The following KIAA0513 variants were observed in gnomAD, a reference collection of about 807,000 sequenced individuals.
The protein encoded by KIAA0513 is uncharacterized protein KIAA0513.
Under a neutral mutation model 56.5 loss-of-function variants are expected in KIAA0513, and 39 were observed. The observed-to-expected ratio is 0.69, with a 90% CI of 0.53 to 0.90. The LOEUF (loss-of-function observed/expected upper bound fraction) is 0.90. Ranked by LOEUF, KIAA0513 falls within the 40% of genes least tolerant of loss-of-function variation. The pLI, the probability that KIAA0513 is intolerant of heterozygous loss-of-function variation, is 0.00. For synonymous variants in KIAA0513, 268 were observed against 215.6 expected (o/e 1.24, Z -2.13); for missense variants, 591 against 535.2 (o/e 1.10, Z -1.03).
intron 1 of KIAA0513, among the ~76,000 whole-genome samples, chr16:85,052,042 C>T (rs2073259874): frequency 6.6e-6 from 1 of 152,030 alleles, no homozygotes; most frequent in African/African-American, 2.4e-5. Context: ...GACGCATTGG[C>T]CAGGCGCAGT....
rs767138324 is a variant in KIAA0513, at chr16:85,088,461, G to C, written c.*136G>C. 9 of 682,718 alleles carry C rather than the reference G, an allele frequency of 1.3e-5. No homozygotes were observed. Among genetic ancestry groups the C allele is most frequent in the Non-Finnish European group, 2.0e-5 (8 of 391,808 alleles). The allele number at this position is 682,718 out of a possible 1,614,324, so 42.3% of individuals were successfully genotyped here. ...AGCCACTCCTGCTGCCCTAGAACTA[G>C]CGGTTAGAAGAATCCGCTGTTCCTC... On this transcript the variant is annotated 3_prime_UTR_variant, in exon 13 of 13. Transcript: ENST00000683363.
In KIAA0513 at chr16:85,086,501, T is replaced by C. The variant is rs749057523; in HGVS notation, c.1011-143T>C. ...CCTTGTGGAAGGCCCAGCACACGGC[T>C]CTCCGGTGGAAGGCACCCCCTTCTG... On this transcript the variant is annotated intron_variant, in intron 10 of 12. Coordinates refer to ENST00000683363, the MANE Select transcript of KIAA0513 (RefSeq NM_001388359.1). 1.6e-5 allele frequency: 12 copies of C among 760,094 alleles called. No individual in the cohort carries two copies. The Middle Eastern group carries it at 9.8e-4, about 62-fold the overall frequency. 47.1% of individuals were successfully genotyped at this position (760,094 alleles called of 1,614,324 possible).
At chr16:85,031,710 C>G (rs1022953866) in intron 1 of KIAA0513, among the ~76,000 whole-genome samples, 5 of 152,216 alleles carry the variant, frequency 3.3e-5, no homozygotes, top group Non-Finnish European at 5.9e-5. Context: ...CTCCCCTTTC[C>G]ATGGCCAGCT....
At position 85,081,826 on chromosome 16, in the gene KIAA0513, C is replaced by T. The variant is rs2073748503; in HGVS notation, c.980+434C>T. 6.6e-6 allele frequency among the ~76,000 whole-genome samples: 1 copy of T among 152,202 alleles called. No individual in the cohort carries two copies. Among genetic ancestry groups the T allele is most frequent in the Admixed American group, 6.5e-5 (1 of 15,280 alleles). Reference sequence around the variant, plus strand: ...GAATGCAGTTGCCGCTCGCAACTCACCTCTTGGGTCTGCAGCCTGAGCAGA... The same window carrying T: ...GAATGCAGTTGCCGCTCGCAACTCATCTCTTGGGTCTGCAGCCTGAGCAGA... On this transcript the variant is annotated intron_variant, in intron 9 of 12. Transcript: ENST00000683363. The surrounding 1 kb of genome is among the most constrained non-coding windows in gnomAD (Gnocchi z 4.4).
chr16:85,061,221 G>A (rs1157552362), intron 1 of KIAA0513, among the ~76,000 whole-genome samples: 2 of 151,950 alleles, frequency 1.3e-5, no homozygotes, highest in Non-Finnish European at 2.9e-5. Context: ...GCTGCAGACA[G>A]ACTTTTGGCA....
intron 1 of KIAA0513, among the ~76,000 whole-genome samples, chr16:85,064,666 G>A (rs553594235): frequency 3.3e-5 from 5 of 152,274 alleles, no homozygotes; most frequent in African/African-American, 1.2e-4. Flanking sequence ...TTGAAGAATT[G>A]TCTACGCCTT....
chr16:85,071,191 C>T (rs572785250), intron 2 of KIAA0513, among the ~76,000 whole-genome samples: 2 of 152,142 alleles, frequency 1.3e-5, no homozygotes, highest in African/African-American at 4.8e-5. Flanking sequence ...TGGAGGTCCC[C>T]GGTCTCCATC....
At chr16:85,062,884 C>T (rs870148) in intron 1 of KIAA0513, among the ~76,000 whole-genome samples, 3 of 152,118 alleles carry the variant, frequency 2.0e-5, no homozygotes, top group Admixed American at 1.3e-4. Flanking sequence ...CCTTGTCCTG[C>T]CTAGAGGCCC....
chr16:85,040,986 A>G (rs140620809), intron 1 of KIAA0513, among the ~76,000 whole-genome samples: 6 of 152,332 alleles, frequency 3.9e-5, no homozygotes, highest in Non-Finnish European at 2.9e-5. Context: ...TCAAAAATGC[A>G]TTTGCATATT....
Position 85,071,883 on chromosome 16 carries a change from G to T in KIAA0513, c.429+1G>T. The T allele has an allele frequency of 1.3e-6, 2 of 1,590,538 alleles. No individual in the cohort carries two copies. The highest frequency in any genetic ancestry group is 1.7e-6 in the Non-Finnish European group (2 of 1,158,782). On this transcript the variant is annotated splice_donor_variant, in intron 3 of 12. Coordinates refer to ENST00000683363, the MANE Select transcript of KIAA0513 (RefSeq NM_001388359.1). LOFTEE classifies it high-confidence loss of function. ...GTTTGCTCGATACGTGAGTGCCCAGGTAAGGGCGAGGTGATGGGAAGGATG... is the reference window on the plus strand; with the variant it reads ...GTTTGCTCGATACGTGAGTGCCCAGTTAAGGGCGAGGTGATGGGAAGGATG...
At chr16:85,061,393 G>C (rs984994214) in intron 1 of KIAA0513, among the ~76,000 whole-genome samples, 6 of 152,160 alleles carry the variant, frequency 3.9e-5, no homozygotes, top group African/African-American at 1.2e-4. Context: ...ACCTGTGTGC[G>C]GGTTCCTTGC....
In KIAA0513 at chr16:85,087,061, T is replaced by C. The variant is rs201797455; in HGVS notation, c.1092-11T>C. ...GGCCAGCGGGTGACGCTCTTGGGGT[T>C]TCTCCTGCAGCACATTCACGCACAA... On this transcript the variant is annotated splice_polypyrimidine_tract_variant and intron_variant, in intron 11 of 12. Transcript: ENST00000683363. 3.1e-6 allele frequency: 5 copies of C among 1,613,860 alleles called. No individual in the cohort carries two copies. Among genetic ancestry groups the C allele is most frequent in the Non-Finnish European group, 4.2e-6 (5 of 1,179,744 alleles).
chr16:85,061,271 G>T (rs192480071), intron 1 of KIAA0513, among the ~76,000 whole-genome samples: 11 of 152,200 alleles, frequency 7.2e-5, no homozygotes, highest in East Asian at 1.9e-4. Flanking sequence ...TTAATAATGC[G>T]CACACCCTTT....
At chr16:85,053,738 AT>A (rs2073287592) in intron 1 of KIAA0513, among the ~76,000 whole-genome samples, 1 of 152,132 alleles carries the variant, frequency 6.6e-6, no homozygotes, top group Non-Finnish European at 1.5e-5. Flanking sequence ...CACGCCTATA[AT>A]CCCAGCACTT....
intron 6 of KIAA0513, 110 bp downstream of exon 6, chr16:85,077,742 G>A: frequency 1.3e-6 from 1 of 785,070 alleles, no homozygotes; most frequent in South Asian, 1.8e-5. Context: ...GAGACTGTCA[G>A]GAACACTGCG....
chr16:85,049,671 A>G lies in KIAA0513; in HGVS notation c.-172-17229A>G, dbSNP rs555104582. On this transcript the variant is annotated intron_variant, in intron 1 of 12. Coordinates refer to ENST00000683363, the MANE Select transcript of KIAA0513 (RefSeq NM_001388359.1). ...CCTCTTAACCTTCTGCTGTGTTCAT[A>G]AGTTTCCTGAGGCATCCCCAGAAGT... Among the ~76,000 whole-genome samples, 17 of 152,166 alleles carry G rather than the reference A, an allele frequency of 1.1e-4. No individual in the cohort carries two copies. In the South Asian group the frequency reaches 1.2e-3, roughly 11 times the overall value.
chr16:85,042,836 G>A (rs550973702), intron 1 of KIAA0513, among the ~76,000 whole-genome samples: 14 of 152,294 alleles, frequency 9.2e-5, no homozygotes, highest in Admixed American at 7.8e-4. Context: ...GCCAGGCCTC[G>A]CCGTGGCACT....
At chr16:85,075,671 G>A (rs924645022) in intron 4 of KIAA0513, among the ~76,000 whole-genome samples, 173 bp from the exon 5 acceptor site, 1 of 152,230 alleles carries the variant, frequency 6.6e-6, no homozygotes, top group South Asian at 2.1e-4. Context: ...GTCCCAGGCC[G>A]TGTGCCTACG....
intron 10 of KIAA0513, among the ~76,000 whole-genome samples, 191 bp downstream of exon 10, chr16:85,082,784 T>C (rs573824862): frequency 1.8e-4 from 27 of 152,162 alleles, no homozygotes; most frequent in South Asian, 8.3e-4. Flanking sequence ...TGGCAATGCG[T>C]CCCAGAACTG....
Sources: gnomAD v4.1 joint callset for allele counts (sites outside exome capture counted in the v4.1 genomes callset) on GRCh38, gnomAD v4.1.1 for gene constraint, Gnocchi (gnomAD v3.1) non-coding constraint, MANE v1.5 for transcripts, NCBI Gene and HGNC (gene_info 2026-07-23, HGNC 2026-07-21) for gene names.